The following MDGA2 variants were observed in gnomAD, a reference collection of about 807,000 sequenced individuals.
MDGA2 encodes the protein MAM domain containing glycosylphosphatidylinositol anchor 2, also known as MAM domain-containing glycosylphosphatidylinositol anchor protein 2.
A neutral mutation model predicts 117.8 loss-of-function variants in MDGA2; 40 were observed. That is an observed-to-expected ratio of 0.34 (90% confidence interval 0.26 to 0.44). The LOEUF (loss-of-function observed/expected upper bound fraction) is 0.44. Ranked by LOEUF, MDGA2 falls within the 20% of genes least tolerant of loss-of-function variation. The pLI is 1.00. For missense variants in MDGA2, 1,123 were observed against 1,250.6 expected (o/e 0.90, Z 1.54); for synonymous variants, 452 against 439.0 (o/e 1.03, Z -0.37).
intron 14 of MDGA2, among the ~76,000 whole-genome samples, chr14:46,857,186 G>A (rs945164888): frequency 3.3e-5 from 5 of 152,100 alleles, no homozygotes; most frequent in Non-Finnish European, 7.4e-5. Flanking sequence ...GAAATATGGC[G>A]TTTCAATTTC....
chr14:47,161,943 T>C (rs1883654992), intron 3 of MDGA2, among the ~76,000 whole-genome samples: 1 of 95,196 alleles, frequency 1.1e-5, no homozygotes, highest in Non-Finnish European at 2.1e-5. Context: ...TTTTTTTTTT[T>C]TTTTTTTTTT....
intron 2 of MDGA2, among the ~76,000 whole-genome samples, chr14:47,296,295 C>T (rs1372330293): frequency 2.6e-5 from 4 of 152,076 alleles, no homozygotes; most frequent in Admixed American, 1.3e-4. Flanking sequence ...AACTCAGAAG[C>T]CAAAAACAAT....
chr14:47,613,503 ACACG>A (rs1213406180), intron 1 of MDGA2, among the ~76,000 whole-genome samples: 2 of 151,310 alleles, frequency 1.3e-5, no homozygotes, highest in Admixed American at 1.3e-4. Context: ...ACACACACAC[ACACG>A]CACACGCACA....
intron 8 of MDGA2, among the ~76,000 whole-genome samples, chr14:47,028,376 A>G (rs1354269705): frequency 1.3e-5 from 2 of 152,192 alleles, no homozygotes; most frequent in African/African-American, 4.8e-5. Flanking sequence ...CAATTAGAAA[A>G]TAACAGTTCA....
intron 3 of MDGA2, among the ~76,000 whole-genome samples, chr14:47,177,753 A>G (rs1318451602): frequency 6.6e-6 from 1 of 152,162 alleles, no homozygotes; most frequent in African/African-American, 2.4e-5. Flanking sequence ...ATACATATGT[A>G]ACTAACTTGC....
chr14:46,914,037 T>C (rs1418911495), intron 10 of MDGA2, among the ~76,000 whole-genome samples: 1 of 152,144 alleles, frequency 6.6e-6, no homozygotes, highest in Non-Finnish European at 1.5e-5. Context: ...GTCACATCAT[T>C]GTGTATTTCT....
chr14:47,355,981 C>T (rs569415739), intron 1 of MDGA2, among the ~76,000 whole-genome samples: 1 of 152,296 alleles, frequency 6.6e-6, no homozygotes, highest in Non-Finnish European at 1.5e-5. Flanking sequence ...TAAGCTTGAC[C>T]TGTACAAGCC....
intron 1 of MDGA2, among the ~76,000 whole-genome samples, chr14:47,659,391 A>T (rs1225621339): frequency 6.6e-6 from 1 of 152,230 alleles, no homozygotes; most frequent in Non-Finnish European, 1.5e-5. Context: ...AATGAATGAG[A>T]AGCAGTCAAT....
chr14:46,848,267 C>G (rs1024559367), intron 15 of MDGA2, among the ~76,000 whole-genome samples: 1 of 151,970 alleles, frequency 6.6e-6, no homozygotes, highest in South Asian at 2.1e-4. Context: ...CATGGATTTC[C>G]TATCTTAGCT....
chr14:47,164,501 A>G (rs1460761510), intron 3 of MDGA2, among the ~76,000 whole-genome samples: 1 of 152,240 alleles, frequency 6.6e-6, no homozygotes, highest in Non-Finnish European at 1.5e-5. Context: ...ACATGAAAAA[A>G]TGCTCATCAT....
At chr14:47,062,506 T>C (rs1230102629) in intron 6 of MDGA2, among the ~76,000 whole-genome samples, 1 of 151,854 alleles carries the variant, frequency 6.6e-6, no homozygotes, top group Non-Finnish European at 1.5e-5. Flanking sequence ...TTTCTTTTTT[T>C]TTTTTTTCAT....
intron 9 of MDGA2, among the ~76,000 whole-genome samples, chr14:46,953,849 A>C (rs559984992): frequency 6.6e-6 from 1 of 152,078 alleles, no homozygotes; most frequent in African/African-American, 2.4e-5. Context: ...AACTTTATAA[A>C]TAAATGCTGC....
intron 1 of MDGA2, among the ~76,000 whole-genome samples, chr14:47,337,051 C>G (rs1054522929): frequency 1.3e-5 from 2 of 151,978 alleles, no homozygotes; most frequent in African/African-American, 4.8e-5. Context: ...TTGCCAACAA[C>G]AAAACTACAA....
At chr14:47,599,582 C>T (rs375108867) in intron 1 of MDGA2, among the ~76,000 whole-genome samples, 1 of 152,288 alleles carries the variant, frequency 6.6e-6, no homozygotes, top group East Asian at 1.9e-4. Context: ...GACTTTGCCT[C>T]CATTTCCCCC....
intron 8 of MDGA2, among the ~76,000 whole-genome samples, chr14:47,027,620 T>TTA (rs1555344548): frequency 1.4e-5 from 1 of 71,980 alleles, no homozygotes; most frequent in Non-Finnish European, 3.4e-5. Flanking sequence ...TCTGAAGATA[T>TTA]TATATATTAT....
intron 5 of MDGA2, among the ~76,000 whole-genome samples, chr14:47,104,422 A>T (rs138780073): frequency 1.0e-3 from 129 of 123,922 alleles, no homozygotes; most frequent in Admixed American, 1.3e-3. Context: ...CTCAAAAAGC[A>T]CCCCCACTGA....
chr14:47,302,311 T>A (rs1379894073), intron 1 of MDGA2, among the ~76,000 whole-genome samples: 1 of 152,204 alleles, frequency 6.6e-6, no homozygotes, highest in Non-Finnish European at 1.5e-5. Flanking sequence ...CTGTGAGTCA[T>A]GAGAGAAGTA....
chr14:47,571,311 G>A (rs1896014725), intron 1 of MDGA2, among the ~76,000 whole-genome samples: 1 of 152,200 alleles, frequency 6.6e-6, no homozygotes. Flanking sequence ...TGGTGGGAGT[G>A]TAAATTAGTT....
At position 47,097,104 on chromosome 14, in the gene MDGA2, G is replaced by T. The variant is rs762316842; in HGVS notation, c.945C>A (p.Leu315=). The T allele has an allele frequency of 6.2e-7, 1 of 1,612,376 alleles. No individual in the cohort carries two copies. The highest frequency in any genetic ancestry group is 8.5e-7 in the Non-Finnish European group (1 of 1,178,898). Residue 315 remains leucine (L), a synonymous_variant, in exon 6 of 17, where the codon CTC becomes CTA. Transcript: ENST00000399232. The part of the protein sequence containing the change: ...SNKTASPSIK[L]LVDDPIVVNP... ...TTACAACTATAGGATCATCCACCAA[G>T]AGTTTAATTGACGGTGATGCTAAAA...
Sources: allele counts gnomAD v4.1 joint callset (sites outside exome capture counted in the v4.1 genomes callset), GRCh38; gene constraint gnomAD v4.1.1; transcripts MANE v1.5; gene names NCBI Gene and HGNC (gene_info 2026-07-23, HGNC 2026-07-21).